The following SCFD2 variants were observed in gnomAD, a reference collection of about 807,000 sequenced individuals.
SCFD2 encodes sec1 family domain-containing protein 2.
In SCFD2, 54 loss-of-function variants were observed where a neutral mutation model predicts 58.9. The ratio of observed to expected loss-of-function variants is 0.92; its 90% CI spans 0.74 to 1.15. The LOEUF (loss-of-function observed/expected upper bound fraction) is 1.15, where lower values mean the gene tolerates loss of function less well. Ranked by LOEUF, SCFD2 falls within the 50% of genes most tolerant of loss-of-function variation. The probability of loss-of-function intolerance (pLI) is 0.00; values close to 1 mark genes in which losing one functional copy is unlikely to be tolerated. For missense variants in SCFD2, 805 were observed against 836.6 expected, an observed-to-expected ratio of 0.96 and a Z score of 0.47; for synonymous variants, 321 against 335.9, an observed-to-expected ratio of 0.96 and a Z score of 0.49.
intron 5 of SCFD2, among the ~76,000 whole-genome samples, chr4:52,995,170 G>A (rs1721714103): frequency 2.0e-5 from 3 of 152,148 alleles, no homozygotes; most frequent in Admixed American, 2.0e-4. Flanking sequence ...GAAGCCCTGA[G>A]CTTCTTTTAC....
At chr4:53,238,689 C>T (rs1202600783) in intron 4 of SCFD2, among the ~76,000 whole-genome samples, 5 of 150,460 alleles carry the variant, frequency 3.3e-5, no homozygotes, top group Non-Finnish European at 5.9e-5. Context: ...GACGGGGTTG[C>T]GGCCGGGCAG....
At chr4:52,940,897 G>A (rs1436386990) in intron 5 of SCFD2, among the ~76,000 whole-genome samples, 2 of 152,112 alleles carry the variant, frequency 1.3e-5, no homozygotes, top group East Asian at 1.9e-4. Context: ...CCTTGGGCAC[G>A]CTCTTTCCAC....
intron 4 of SCFD2, among the ~76,000 whole-genome samples, chr4:53,162,852 TAATAA>T (rs947521165): frequency 3.3e-5 from 5 of 150,692 alleles, no homozygotes; most frequent in African/African-American, 7.3e-5. Context: ...AGTATAATAA[TAATAA>T]AATAAAATAA....
At chr4:52,992,336 T>G (rs1721631052) in intron 5 of SCFD2, among the ~76,000 whole-genome samples, 1 of 152,214 alleles carries the variant, frequency 6.6e-6, no homozygotes, top group South Asian at 2.1e-4. Context: ...GTGCTCAATG[T>G]TGCCCAGGCT....
intron 4 of SCFD2, 24 bp from the exon 5 acceptor site, chr4:53,145,606 A>C (rs1233410709): frequency 1.2e-6 from 2 of 1,600,838 alleles, no homozygotes; most frequent in Non-Finnish European, 1.7e-6. Context: ...TGATATGAAA[A>C]TATGTCAATC....
intron 5 of SCFD2, among the ~76,000 whole-genome samples, chr4:53,021,075 C>T (rs1722337862): frequency 1.3e-5 from 2 of 152,160 alleles, no homozygotes; most frequent in Admixed American, 1.3e-4. Context: ...CTTGACTAAG[C>T]ATGTACATCT....
At chr4:53,076,144 A>G (rs751195247) in intron 5 of SCFD2, among the ~76,000 whole-genome samples, 15 of 152,168 alleles carry the variant, frequency 9.9e-5, no homozygotes, top group Non-Finnish European at 1.5e-4. Flanking sequence ...CTCAGTCCTA[A>G]TTTTCATATA....
rs75417977 is a variant in SCFD2, at chr4:53,288,685, A to G, written c.1136-14684T>C. ...CCTTCAGGAATGAAGGAGAAATAAT[A>G]TTTTCCCCAGATAAGCAAAAGCTGA... On this transcript the variant is annotated intron_variant, in intron 3 of 8. Coordinates refer to ENST00000401642, the MANE Select transcript of SCFD2 (RefSeq NM_152540.4). 2.3e-3 allele frequency among the ~76,000 whole-genome samples: 352 copies of G among 152,294 alleles called. 1 individual carries two copies. Among genetic ancestry groups the G allele is most frequent in the African/African-American group, 8.0e-3 (331 of 41,562 alleles).
In SCFD2 at chr4:52,885,848, T is replaced by C; in HGVS notation, c.1861A>G (p.Ser621Gly). 6.2e-7 allele frequency: 1 copy of C among 1,614,102 alleles called. No individual in the cohort carries two copies. The highest frequency in any genetic ancestry group is 1.7e-5 in the Admixed American group (1 of 60,026). The change falls in exon 8 of 9, where the codon AGT becomes GGT. Residue 621 changes from serine (S) to glycine (G), a missense_variant. Physicochemically the swap from Ser to Gly is moderately conservative, Grantham distance 56. This residue lies in a region of SCFD2 where 633 missense variants were observed against 646.8 expected (regional missense o/e 0.98). Coordinates refer to ENST00000401642, the MANE Select transcript of SCFD2 (RefSeq NM_152540.4). The part of the protein sequence containing the change: ...MFMKVSRPHP[S>G]DYPLLILFVV... ...AAGAGGATCAGGAGGGGGTAGTCAC[T>C]AGGATGAGGCCGGCTCACCTGCAAA... is the stretch of plus-strand genomic sequence containing the variant.
intron 3 of SCFD2, among the ~76,000 whole-genome samples, chr4:53,284,378 A>T (rs1731600748): frequency 6.6e-6 from 1 of 152,204 alleles, no homozygotes; most frequent in Non-Finnish European, 1.5e-5. Context: ...ACAATTTAAG[A>T]AAAAAGGTTA....
At chr4:53,216,689 C>T (rs1227754601) in intron 4 of SCFD2, among the ~76,000 whole-genome samples, 1 of 152,138 alleles carries the variant, frequency 6.6e-6, no homozygotes, top group South Asian at 2.1e-4. Context: ...CTTCTGCTAG[C>T]TTTTGAATGT....
intron 4 of SCFD2, among the ~76,000 whole-genome samples, chr4:53,201,544 A>G (rs1728239401): frequency 6.6e-6 from 1 of 152,176 alleles, no homozygotes; most frequent in Admixed American, 6.5e-5. Flanking sequence ...ATACCCAGTA[A>G]TGGGATGGCT....
In SCFD2 at chr4:52,901,158, G is replaced by A. The variant is rs547388999; in HGVS notation, c.1842+6299C>T. Among the ~76,000 whole-genome samples the A allele has an allele frequency of 5.3e-4, 81 of 152,326 alleles. 1 individual carries two copies. The South Asian group carries it at 8.9e-3, about 17-fold the overall frequency. On this transcript the variant is annotated intron_variant, in intron 7 of 8. Coordinates refer to ENST00000401642, the MANE Select transcript of SCFD2 (RefSeq NM_152540.4). ...GCACTGCACCCAGTGTCCTGCACCCGCTGTCCGGCATTCCCTCGTGAGATG... is the reference window on the plus strand; with the variant it reads ...GCACTGCACCCAGTGTCCTGCACCCACTGTCCGGCATTCCCTCGTGAGATG...
At chr4:53,045,100 T>G (rs994078804) in intron 5 of SCFD2, among the ~76,000 whole-genome samples, 1 of 152,168 alleles carries the variant, frequency 6.6e-6, no homozygotes, top group Non-Finnish European at 1.5e-5. Context: ...GATGACAAAG[T>G]GTGATCCCCA....
At chr4:52,891,495 G>A (rs1718875808) in intron 7 of SCFD2, among the ~76,000 whole-genome samples, 1 of 152,226 alleles carries the variant, frequency 6.6e-6, no homozygotes, top group Non-Finnish European at 1.5e-5. Context: ...GAGGCTTAAC[G>A]AGGTGAAATA....
intron 3 of SCFD2, among the ~76,000 whole-genome samples, chr4:53,311,147 C>T (rs35298217): frequency 0.17 from 25,464 of 151,960 alleles, 2,743 homozygotes; most frequent in Non-Finnish European, 0.24. Flanking sequence ...CAAGAAATTC[C>T]GGCTAGTGAT....
intron 5 of SCFD2, among the ~76,000 whole-genome samples, chr4:53,001,776 C>A (rs966240906): frequency 3.3e-5 from 5 of 152,156 alleles, no homozygotes; most frequent in African/African-American, 1.2e-4. Flanking sequence ...TATTGCACAC[C>A]AAGCATTGTG....
chr4:53,079,302 G>A (rs1162590323), intron 5 of SCFD2, among the ~76,000 whole-genome samples: 2 of 152,172 alleles, frequency 1.3e-5, no homozygotes, highest in Admixed American at 6.6e-5. Flanking sequence ...TCAGGCCCTT[G>A]AAAGACAGTG....
intron 4 of SCFD2, among the ~76,000 whole-genome samples, chr4:53,211,457 T>C (rs1018963537): frequency 3.3e-5 from 5 of 152,122 alleles, no homozygotes; most frequent in Non-Finnish European, 5.9e-5. Flanking sequence ...TGTGAGACAC[T>C]TCAGCAAATT....
Sources: gnomAD v4.1 joint callset for allele counts (sites outside exome capture counted in the v4.1 genomes callset) on GRCh38, gnomAD v4.1.1 for gene constraint, gnomAD v4.1.1 regional missense constraint, MANE v1.5 for transcripts, NCBI Gene and HGNC (gene_info 2026-07-23, HGNC 2026-07-21) for gene names.